BMERB1: variants seen among roughly 807,000 people sequenced by gnomAD.
The protein encoded by BMERB1 is bMERB domain containing 1, also known as bMERB domain-containing protein 1.
BMERB1 carries 12 observed loss-of-function variants against 23.6 expected under a neutral mutation model. That is an observed-to-expected ratio of 0.51 (90% CI 0.33 to 0.82). The LOEUF (loss-of-function observed/expected upper bound fraction) is 0.82, where lower values mean the gene tolerates loss of function less well. Ranked by LOEUF, BMERB1 falls within the 40% of genes least tolerant of loss-of-function variation. The pLI is 0.03. For missense variants in BMERB1, 247 were observed against 255.4 expected, an observed-to-expected ratio of 0.97 and a Z score of 0.22; for synonymous variants, 122 against 96.6, an observed-to-expected ratio of 1.26 and a Z score of -1.54.
chr16:15,577,751 A>ACCC (rs2030906095), intron 3 of BMERB1, among the ~76,000 whole-genome samples: 1 of 152,224 alleles, frequency 6.6e-6, no homozygotes, highest in Non-Finnish European at 1.5e-5. Flanking sequence ...AGCGCTTGGG[A>ACCC]GAGGCTGCAA....
At chr16:15,482,419 A>G (rs554256589) in intron 1 of BMERB1, among the ~76,000 whole-genome samples, 1 of 152,220 alleles carries the variant, frequency 6.6e-6, no homozygotes, top group African/African-American at 2.4e-5. Context: ...AAAACATCCT[A>G]GTGGCCACCA....
intron 2 of BMERB1, among the ~76,000 whole-genome samples, chr16:15,529,288 C>T (rs894272007): frequency 1.3e-5 from 2 of 152,028 alleles, no homozygotes; most frequent in Non-Finnish European, 2.9e-5. Context: ...GGCCTCCCAA[C>T]GTGCTGGGAT....
chr16:15,530,444 T>C (rs1265408319), intron 2 of BMERB1, among the ~76,000 whole-genome samples: 1 of 152,236 alleles, frequency 6.6e-6, no homozygotes, highest in Non-Finnish European at 1.5e-5. Flanking sequence ...AGTCTTGCTC[T>C]GTTGTCCAGG....
chr16:15,461,758 C>CA (rs974355932), intron 1 of BMERB1, among the ~76,000 whole-genome samples: 47 of 151,968 alleles, frequency 3.1e-4, no homozygotes, highest in African/African-American at 1.1e-3. Flanking sequence ...CCCATCTCTA[C>CA]AAAAATACAA....
At chr16:15,577,687 C>T (rs944562960) in intron 3 of BMERB1, among the ~76,000 whole-genome samples, 18 of 152,370 alleles carry the variant, frequency 1.2e-4, no homozygotes, top group African/African-American at 3.1e-4. Context: ...TTTTATGTCT[C>T]TCCTCCCTTC....
At chr16:15,570,451 T>G (rs537702592) in intron 3 of BMERB1, among the ~76,000 whole-genome samples, 2 of 152,162 alleles carry the variant, frequency 1.3e-5, no homozygotes, top group Non-Finnish European at 2.9e-5. Context: ...TCATTTTTTG[T>G]TGGGGGTACG....
intron 2 of BMERB1, among the ~76,000 whole-genome samples, chr16:15,559,903 C>T (rs1441502168): frequency 4.0e-5 from 6 of 151,874 alleles, no homozygotes; most frequent in Non-Finnish European, 8.8e-5. Context: ...ACATAAAATA[C>T]ACTTATAGTA....
intron 2 of BMERB1, among the ~76,000 whole-genome samples, chr16:15,553,756 T>C (rs2030161937): frequency 6.6e-6 from 1 of 152,226 alleles, no homozygotes; most frequent in African/African-American, 2.4e-5. Flanking sequence ...GACTGTGGGC[T>C]ATAGTTTGCC....
chr16:15,563,009 C>T (rs941074834), intron 2 of BMERB1, among the ~76,000 whole-genome samples: 1 of 152,212 alleles, frequency 6.6e-6, no homozygotes, highest in Non-Finnish European at 1.5e-5. Context: ...TGGCAAAAGG[C>T]AAGGGGTCCT....
At chr16:15,533,725 G>A (rs2051992760) in intron 2 of BMERB1, among the ~76,000 whole-genome samples, 2 of 152,160 alleles carry the variant, frequency 1.3e-5, no homozygotes, top group African/African-American at 4.8e-5. Context: ...AAGGGAAAGA[G>A]GACAGAGCGT....
At chr16:15,559,100 A>G (rs748647094) in intron 2 of BMERB1, among the ~76,000 whole-genome samples, 1 of 152,144 alleles carries the variant, frequency 6.6e-6, no homozygotes, top group Non-Finnish European at 1.5e-5. Flanking sequence ...ATATGTCACT[A>G]TATGTCATTA....
At chr16:15,489,009 C>A (rs2051393065) in intron 1 of BMERB1, among the ~76,000 whole-genome samples, 1 of 151,840 alleles carries the variant, frequency 6.6e-6, no homozygotes, top group Non-Finnish European at 1.5e-5. Context: ...AGCTTTTATC[C>A]CCTCCATGAG....
chr16:15,536,795 G>T (rs940617651), intron 2 of BMERB1: 1 of 152,296 alleles, frequency 6.6e-6, no homozygotes, highest in African/African-American at 2.4e-5. Context: ...GTAGGCTGAT[G>T]CCCCCTCACC....
At chr16:15,510,811 C>T (rs934563916) in intron 1 of BMERB1, among the ~76,000 whole-genome samples, 6 of 151,954 alleles carry the variant, frequency 3.9e-5, no homozygotes, top group African/African-American at 1.5e-4. Flanking sequence ...ATGTGGTTCT[C>T]GTGCCTCAGT....
chr16:15,434,883 T>G (rs1247578422), intron 1 of BMERB1, 124 bp downstream of exon 1: 2 of 790,790 alleles, frequency 2.5e-6, no homozygotes, highest in Non-Finnish European at 4.0e-6. Context: ...GCAGCGGGGC[T>G]GGCAGCTCAG....
At chr16:15,508,842 A>G (rs577920816) in intron 1 of BMERB1, among the ~76,000 whole-genome samples, 1 of 151,934 alleles carries the variant, frequency 6.6e-6, no homozygotes, top group East Asian at 1.9e-4. Context: ...AAAAAAAAAA[A>G]AAAAAAAAGA....
intron 1 of BMERB1, among the ~76,000 whole-genome samples, chr16:15,510,699 TATTA>T (rs1035257222): frequency 6.6e-6 from 1 of 151,624 alleles, no homozygotes; most frequent in African/African-American, 2.4e-5. Flanking sequence ...TAGCACTCAG[TATTA>T]ATTATCTTTT....
intron 3 of BMERB1, among the ~76,000 whole-genome samples, chr16:15,575,704 A>C (rs766572537): frequency 6.6e-6 from 1 of 152,202 alleles, no homozygotes; most frequent in Admixed American, 6.5e-5. Context: ...GCCCCAATAC[A>C]GAATTTTCTG....
intron 2 of BMERB1, among the ~76,000 whole-genome samples, chr16:15,525,005 C>T (rs753501351): frequency 7.2e-5 from 11 of 152,140 alleles, no homozygotes; most frequent in Admixed American, 1.3e-4. Flanking sequence ...TATGCATCAA[C>T]TTGAGTGGGC....
Sources: allele counts gnomAD v4.1 joint callset (sites outside exome capture counted in the v4.1 genomes callset), GRCh38; gene constraint gnomAD v4.1.1; transcripts MANE v1.5; gene names NCBI Gene and HGNC (gene_info 2026-07-23, HGNC 2026-07-21).